Variants in TCF4 observed in about 807,000 individuals in gnomAD.
TCF4 encodes transcription factor 4, also known as SL3-3 enhancer factor 2.
A neutral mutation model predicts 82.1 loss-of-function variants in TCF4; 3 were observed. That is an observed-to-expected ratio of 0.04 (90% CI 0.02 to 0.09). The LOEUF is 0.09. TCF4 is among the 10% of genes least tolerant of loss of function. The pLI, the probability that TCF4 is intolerant of heterozygous loss-of-function variation, is 1.00. For synonymous variants in TCF4, 276 were observed against 309.6 expected, an observed-to-expected ratio of 0.89 and a Z score of 1.14; for missense variants, 518 against 852.7, an observed-to-expected ratio of 0.61 and a Z score of 4.89.
chr18:55,251,895 T>C (rs1004430376), intron 15 of TCF4, among the ~76,000 whole-genome samples: 6 of 151,806 alleles, frequency 4.0e-5, no homozygotes, highest in African/African-American at 1.5e-4. Flanking sequence ...GTATCCTCCT[T>C]GAATTTTTTT....
At chr18:55,336,764 C>T (rs985721926) in intron 8 of TCF4, among the ~76,000 whole-genome samples, 1 of 152,078 alleles carries the variant, frequency 6.6e-6, no homozygotes, top group Admixed American at 6.6e-5. Context: ...GAAAATTCTG[C>T]TATTAAGAAT....
chr18:55,304,158 C>T (rs902679197), intron 8 of TCF4, among the ~76,000 whole-genome samples: 23 of 152,150 alleles, frequency 1.5e-4, no homozygotes, highest in Non-Finnish European at 2.8e-4. Context: ...GTGTGAATGG[C>T]GGAAGTTGTG....
intron 10 of TCF4, among the ~76,000 whole-genome samples, chr18:55,273,800 T>C (rs1186327599): frequency 6.6e-6 from 1 of 152,190 alleles, no homozygotes; most frequent in Non-Finnish European, 1.5e-5. Context: ...TAGTTCATAA[T>C]ATTGTTTTGG....
At chr18:55,512,854 A>G (rs1421366435) in intron 3 of TCF4, among the ~76,000 whole-genome samples, 1 of 152,194 alleles carries the variant, frequency 6.6e-6, no homozygotes, top group Non-Finnish European at 1.5e-5. Context: ...TCAACCTTGA[A>G]AGAAATACTG....
rs9955068 is a variant in TCF4 at position 55,573,537 on chromosome 18, G to A, written c.145+11743C>T. On this transcript the variant is annotated intron_variant, in intron 3 of 19. Transcript: ENST00000354452. ...AATCTGATTAGCAGCACACTGTCAA[G>A]GCTCCCTGTGGCTCAGTCTTGCGGG... Among the ~76,000 whole-genome samples, 908 of 152,214 alleles carry A rather than the reference G, an allele frequency of 6.0e-3. 12 individuals carry two copies. The highest frequency in any genetic ancestry group is 0.021 in the African/African-American group (873 of 41,522).
In TCF4 at chr18:55,470,086, C is replaced by A. The variant is rs111842896; in HGVS notation, c.146-5949G>T. Among the ~76,000 whole-genome samples, 196 of 152,190 alleles carry A rather than the reference C, an allele frequency of 1.3e-3. 2 individuals are homozygous for A. The highest frequency in any genetic ancestry group is 4.2e-3 in the African/African-American group (174 of 41,534). On this transcript the variant is annotated intron_variant, in intron 3 of 19. Transcript: ENST00000354452. ...AACAGAAGTGAAAACCCAAGACATA[C>A]CCCAAAGTCAGTATTCTAACAGAAG...
chr18:55,567,672 C>T (rs1416917059), intron 3 of TCF4, among the ~76,000 whole-genome samples: 1 of 151,732 alleles, frequency 6.6e-6, no homozygotes, highest in African/African-American at 2.4e-5. Context: ...GAGATCGCGC[C>T]ACTGCACTCC....
At chr18:55,348,966 T>A (rs1432141403) in intron 8 of TCF4, among the ~76,000 whole-genome samples, 1 of 152,130 alleles carries the variant, frequency 6.6e-6, no homozygotes, top group African/African-American at 2.4e-5. Flanking sequence ...ATAAAACCTA[T>A]TAAAAGCTAA....
intron 2 of TCF4, among the ~76,000 whole-genome samples, chr18:55,621,529 TAA>T (rs2097718831): frequency 1.3e-5 from 1 of 75,282 alleles, no homozygotes; most frequent in African/African-American, 5.9e-5. Flanking sequence ...TAATATTATA[TAA>T]TATATATATT....
chr18:55,504,607 C>T (rs1042119438), intron 3 of TCF4, among the ~76,000 whole-genome samples: 1 of 152,216 alleles, frequency 6.6e-6, no homozygotes, highest in East Asian at 1.9e-4. Context: ...AGGCAAATCA[C>T]TGTATTGCCG....
chr18:55,296,950 T>C (rs2066661398), intron 8 of TCF4, among the ~76,000 whole-genome samples: 1 of 152,152 alleles, frequency 6.6e-6, no homozygotes, highest in Non-Finnish European at 1.5e-5. Flanking sequence ...CAATGTCTCA[T>C]ACTATTTTTC....
intron 3 of TCF4, among the ~76,000 whole-genome samples, chr18:55,544,797 C>T (rs1451960146): frequency 1.3e-5 from 2 of 152,066 alleles, no homozygotes; most frequent in African/African-American, 4.8e-5. Context: ...AACATGCACA[C>T]CTACGAGTTA....
At chr18:55,523,805 C>T (rs1221194540) in intron 3 of TCF4, among the ~76,000 whole-genome samples, 1 of 151,992 alleles carries the variant, frequency 6.6e-6, no homozygotes, top group African/African-American at 2.4e-5. Context: ...ATCTCCTTTA[C>T]AATTTTTTTA....
At chr18:55,322,425 GAAAAAAAA>G (rs967879627) in intron 8 of TCF4, 153 of 776,926 alleles carry the variant, frequency 2.0e-4, no homozygotes, top group East Asian at 4.0e-4. Context: ...GGGGAGGGAA[GAAAAAAAA>G]AAAAAAAAAA....
At chr18:55,495,006 CAAA>C (rs906591578) in intron 3 of TCF4, among the ~76,000 whole-genome samples, 2 of 150,584 alleles carry the variant, frequency 1.3e-5, no homozygotes, top group African/African-American at 4.9e-5. Flanking sequence ...AAACACAGCT[CAAA>C]GAAGTGGGAG....
At chr18:55,307,693 C>T (rs541214830) in intron 8 of TCF4, among the ~76,000 whole-genome samples, 3 of 152,242 alleles carry the variant, frequency 2.0e-5, no homozygotes, top group South Asian at 2.1e-4. Context: ...AGGAACTAAA[C>T]GTGGCACAAG....
intron 5 of TCF4, among the ~76,000 whole-genome samples, chr18:55,456,555 T>C (rs1298064322): frequency 1.3e-5 from 2 of 152,238 alleles, no homozygotes; most frequent in Admixed American, 1.3e-4. Flanking sequence ...TAGCTTTCAA[T>C]CGATGCTCTG....
intron 4 of TCF4, among the ~76,000 whole-genome samples, chr18:55,462,486 A>C (rs560625094): frequency 6.6e-6 from 1 of 152,292 alleles, no homozygotes; most frequent in African/African-American, 2.4e-5. Context: ...TCTCATGCAA[A>C]CTTCTGGATT....
chr18:55,228,001 G>A lies in TCF4; in HGVS notation c.*34C>T. ...ACAGCTGTTAAGGAAGTGGTCTCTT[G>A]TTTTAATGAAGCAATGTGGCAACTT... On this transcript the variant is annotated 3_prime_UTR_variant, in exon 20 of 20. Transcript: ENST00000354452. The A allele has an allele frequency of 1.8e-6, 1 of 546,208 alleles. No homozygotes were observed. Among genetic ancestry groups the A allele is most frequent in the Non-Finnish European group, 3.2e-6 (1 of 310,880 alleles). 33.8% of individuals were successfully genotyped at this position (546,208 alleles called of 1,614,324 possible). A position where few individuals can be genotyped will look rare whatever the true frequency, so the allele number is the denominator to read the frequency against.
Sources: gnomAD v4.1 joint callset for allele counts (sites outside exome capture counted in the v4.1 genomes callset) on GRCh38, gnomAD v4.1.1 for gene constraint, MANE v1.5 for transcripts, NCBI Gene and HGNC (gene_info 2026-07-23, HGNC 2026-07-21) for gene names.